CDH23: variants seen among roughly 807,000 people sequenced by gnomAD.
CDH23 encodes cadherin related 23, also known as cadherin-23.
In CDH23, 189 loss-of-function variants were observed where a neutral mutation model predicts 317.1. That is an observed-to-expected ratio of 0.60 (90% CI 0.53 to 0.67). The LOEUF (loss-of-function observed/expected upper bound fraction) is 0.67. Ranked by LOEUF, CDH23 falls within the 30% of genes least tolerant of loss-of-function variation. CDH23 has a pLI of 0.00. For missense variants in CDH23, 4,401 were observed against 4,592.4 expected (o/e 0.96, Z 1.20); for synonymous variants, 1,839 against 1,876.8 (o/e 0.98, Z 0.52).
chr10:71,701,049 C>G (rs374060131), intron 22 of CDH23, among the ~76,000 whole-genome samples: 10 of 152,314 alleles, frequency 6.6e-5, no homozygotes, highest in African/African-American at 2.2e-4. Flanking sequence ...CTCTCTCCCC[C>G]CACCACCACT....
In CDH23 at chr10:71,500,759, GTT is replaced by G. The variant is rs1853248108; in HGVS notation, c.146-9320_146-9319del. On this transcript the variant is annotated intron_variant, in intron 3 of 69. Coordinates refer to ENST00000224721, the MANE Select transcript of CDH23 (RefSeq NM_022124.6). Reference sequence around the variant, plus strand: ...TAGGTCACTTTACCCCTCTGAGCCTGTTTTCTTTTCTTTTCTTTTCTTTTCTT... The same window carrying G: ...TAGGTCACTTTACCCCTCTGAGCCTGTTCTTTTCTTTTCTTTTCTTTTCTT... Among the ~76,000 whole-genome samples the G allele has an allele frequency of 2.2e-5, 3 of 134,614 alleles. No homozygotes were observed. The Admixed American group carries it at 2.3e-4, about 10-fold the overall frequency. 88.3% of individuals were successfully genotyped at this position (134,614 alleles called of 152,430 possible).
intron 11 of CDH23, among the ~76,000 whole-genome samples, chr10:71,638,537 C>T (rs1862383013): frequency 6.6e-6 from 1 of 152,182 alleles, no homozygotes; most frequent in Non-Finnish European, 1.5e-5. Context: ...TAATGAATGA[C>T]CAAGGGAAGC....
At chr10:71,592,058 G>C (rs1185474205) in intron 9 of CDH23, among the ~76,000 whole-genome samples, 1 of 152,046 alleles carries the variant, frequency 6.6e-6, no homozygotes, top group East Asian at 1.9e-4. Context: ...AAGATGAACA[G>C]ACTGACCAGA....
intron 28 of CDH23, chr10:71,719,833 C>G (rs1471999654): frequency 1.3e-5 from 2 of 152,574 alleles, no homozygotes; most frequent in Non-Finnish European, 2.9e-5. Flanking sequence ...AGTTTGGGCC[C>G]TGCCTTGGGG....
At chr10:71,807,205 G>A (rs1314633836) in intron 57 of CDH23, 72 bp from the exon 58 acceptor site, 5 of 1,573,914 alleles carry the variant, frequency 3.2e-6, no homozygotes, top group African/African-American at 1.3e-5. Context: ...CACTGCCCAG[G>A]GCCCTGAAAC....
intron 38 of CDH23, among the ~76,000 whole-genome samples, chr10:71,758,072 T>C (rs760038972): frequency 2.0e-5 from 3 of 152,230 alleles, no homozygotes; most frequent in Non-Finnish European, 4.4e-5. Flanking sequence ...AGTGGCTCAA[T>C]CCTGTAATCC....
At chr10:71,443,848 C>T (rs1465652955) in intron 2 of CDH23, among the ~76,000 whole-genome samples, 1 of 152,264 alleles carries the variant, frequency 6.6e-6, no homozygotes, top group Non-Finnish European at 1.5e-5. Context: ...GTCTGCCCCG[C>T]CTGTGGTGGG....
At chr10:71,810,203 AT>A in intron 61 of CDH23, 127 bp downstream of exon 61, 1 of 1,163,044 alleles carries the variant, frequency 8.6e-7, no homozygotes, top group Non-Finnish European at 1.2e-6. Flanking sequence ...CTACTTAGTC[AT>A]TTCCTATCAG....
At chr10:71,450,278 T>C (rs1248131091) in intron 3 of CDH23, among the ~76,000 whole-genome samples, 5 of 150,620 alleles carry the variant, frequency 3.3e-5, no homozygotes, top group African/African-American at 4.9e-5. Flanking sequence ...TTTTTTTTTT[T>C]TTTTTGAGAC....
intron 31 of CDH23, among the ~76,000 whole-genome samples, chr10:71,731,431 G>A (rs548004547): frequency 9.5e-4 from 145 of 152,318 alleles, no homozygotes; most frequent in Non-Finnish European, 1.6e-3. Flanking sequence ...GCACATACGC[G>A]GCTGTGGCCC....
At chr10:71,735,862 A>C (rs1044570277) in intron 34 of CDH23, among the ~76,000 whole-genome samples, 2 of 152,180 alleles carry the variant, frequency 1.3e-5, no homozygotes, top group African/African-American at 2.4e-5. Context: ...TATGCTCCCC[A>C]AGGGCAGCCG....
Position 71,675,071 on chromosome 10 carries a change from C to T in CDH23, c.1450-41C>T, listed in dbSNP as rs757880655. 2.5e-6 allele frequency: 4 copies of T among 1,587,908 alleles called. No individual in the cohort carries two copies. In the South Asian group the frequency reaches 4.4e-5, roughly 18 times the overall value. On this transcript the variant is annotated intron_variant, in intron 14 of 69. Transcript: ENST00000224721. Reference sequence around the variant, plus strand: ...GTTTCCTGTGGACCTGAAGCCTCAGCTGGGCCTGGCAGTAATGACTTCTTG... The same window carrying T: ...GTTTCCTGTGGACCTGAAGCCTCAGTTGGGCCTGGCAGTAATGACTTCTTG...
intron 6 of CDH23, among the ~76,000 whole-genome samples, chr10:71,535,658 T>TC (rs1473934753): frequency 6.6e-6 from 1 of 152,172 alleles, no homozygotes; most frequent in African/African-American, 2.4e-5. Context: ...TTCTGAGTGT[T>TC]CCCCAGGCCA....
Position 71,777,724 on chromosome 10 carries a change from C to T in CDH23, c.4890C>T (p.Asn1630=), listed in dbSNP as rs377519065. The change falls in exon 39 of 70, where the codon AAC becomes AAT. Residue 1630 remains asparagine, a synonymous_variant. Transcript: ENST00000224721. ...TGACCATTGTGGATGAGAATGATAA[C>T]GCGCCCATGTTCCAGCAGCCCCACT... ...VYVTIVDEND[N]APMFQQPHYE... 318 of 1,613,368 alleles carry T rather than the reference C, an allele frequency of 2.0e-4. No individual in the cohort carries two copies. Among genetic ancestry groups the T allele is most frequent in the African/African-American group, 2.7e-4 (20 of 74,898 alleles).
chr10:71,503,536 C>T (rs1162002815), intron 3 of CDH23, among the ~76,000 whole-genome samples: 1 of 152,156 alleles, frequency 6.6e-6, no homozygotes, highest in African/African-American at 2.4e-5. Flanking sequence ...TATTGAGTGC[C>T]TCCAGGATGT....
intron 1 of CDH23, among the ~76,000 whole-genome samples, chr10:71,437,504 T>A (rs962338564): frequency 6.6e-6 from 1 of 152,216 alleles, no homozygotes; most frequent in Admixed American, 6.5e-5. Context: ...TTTCTTGATG[T>A]GCGAAAAGCA....
chr10:71,435,805 A>G (rs997668910), intron 1 of CDH23, among the ~76,000 whole-genome samples: 3 of 152,212 alleles, frequency 2.0e-5, no homozygotes, highest in African/African-American at 7.2e-5. Flanking sequence ...GAGCAGAGTG[A>G]GGTCAGGCTC....
chr10:71,600,057 C>G (rs902000013), intron 9 of CDH23, among the ~76,000 whole-genome samples: 1 of 132,608 alleles, frequency 7.5e-6, no homozygotes, highest in South Asian at 2.4e-4. Flanking sequence ...GGCTGGAGTG[C>G]AATGATGCGA....
At chr10:71,773,423 G>A (rs1234464866) in intron 38 of CDH23, 2 of 1,602,876 alleles carry the variant, frequency 1.2e-6, no homozygotes, top group Admixed American at 1.7e-5. Context: ...GGCCTCCAGG[G>A]CCGTGGGGAC....
Sources: allele counts gnomAD v4.1 joint callset (sites outside exome capture counted in the v4.1 genomes callset), GRCh38; gene constraint gnomAD v4.1.1; transcripts MANE v1.5; gene names NCBI Gene and HGNC (gene_info 2026-07-23, HGNC 2026-07-21).